The following MADD variants were observed in gnomAD, a reference collection of about 807,000 sequenced individuals.
The protein encoded by MADD is MAP kinase activating death domain.
In MADD, 109 loss-of-function variants were observed where a neutral mutation model predicts 176.7. That is an observed-to-expected ratio of 0.62 (90% confidence interval 0.53 to 0.72). The LOEUF (loss-of-function observed/expected upper bound fraction) is 0.72, where lower values mean the gene tolerates loss of function less well. Among genes scored for constraint, MADD ranks in the 30% least tolerant of loss-of-function variants. The pLI is 0.00. For missense variants in MADD, 1,914 were observed against 2,045.5 expected, an observed-to-expected ratio of 0.94 and a Z score of 1.24; for synonymous variants, 771 against 771.3, an observed-to-expected ratio of 1.00 and a Z score of 0.01.
Position 47,290,009 on chromosome 11 carries a change from G to T in MADD, c.2899G>T (p.Val967Leu), listed in dbSNP as rs1244676636. Reference sequence around the variant, plus strand: ...TGTCCTGAGCAAGCTGAACCGCATGGTGCAGTCAGAGGACGATGCCCGGCA... The same window carrying T: ...TGTCCTGAGCAAGCTGAACCGCATGTTGCAGTCAGAGGACGATGCCCGGCA... The change falls in exon 17 of 33, where the codon GTG becomes TTG. Residue 967 changes from valine (V) to leucine (L), a missense_variant. Around this residue, in one of 2 missense-constraint regions of MADD, gnomAD observed 1,767 missense variants for 1,836.0 expected, o/e 0.96. Coordinates refer to ENST00000402192, the Ensembl canonical transcript of MADD. The T allele has an allele frequency of 1.9e-6, 3 of 1,614,208 alleles. No homozygotes were observed. In the Admixed American group the frequency reaches 5.0e-5, roughly 27 times the overall value.
At chr11:47,286,332 G>C in intron 14 of MADD, 101 bp from the exon 15 acceptor site, 1 of 778,046 alleles carries the variant, frequency 1.3e-6, no homozygotes, top group Non-Finnish European at 2.3e-6. Flanking sequence ...AACTGGGATT[G>C]TGTTTGAAAA....
exon 33 of MADD, chr11:47,329,165 G>T (rs145720815): frequency 1.3e-6 from 2 of 1,596,420 alleles, no homozygotes; most frequent in Admixed American, 3.3e-5. Flanking sequence ...GAGGGGCTAC[G>T]CAGCTGCCCC....
exon 5 of MADD, chr11:47,276,755 C>T (rs776830687): frequency 2.4e-5 from 39 of 1,614,182 alleles, no homozygotes; most frequent in Non-Finnish European, 3.1e-5. Flanking sequence ...CCCGAGACTA[C>T]AATGCACTCT....
chr11:47,284,997 C>T (rs2059612679), exon 13 of MADD: 13 of 1,613,954 alleles, frequency 8.1e-6, no homozygotes, highest in Non-Finnish European at 1.1e-5. Context: ...TCTCCAAGCC[C>T]CTCCCTTCCG....
chr11:47,323,113 C>T (rs2094787490), intron 27 of MADD, among the ~76,000 whole-genome samples: 1 of 151,932 alleles, frequency 6.6e-6, no homozygotes, highest in Non-Finnish European at 1.5e-5. Flanking sequence ...TGATGTGTGC[C>T]TGTAATCTCA....
rs60183400 is a variant in MADD at position 47,275,150 on chromosome 11, G to A, written c.650G>A (p.Gly217Asp). 5.1e-3 allele frequency: 8,248 copies of A among 1,612,244 alleles called. 377 individuals are homozygous for A. The African/African-American group carries it at 0.097, about 19-fold the overall frequency. Residue 217 changes from glycine to aspartate, a missense_variant, in exon 3 of 33, where the codon GGC (glycine) becomes GAC (aspartate). By Grantham distance (94) the Gly-to-Asp change is moderately conservative. Coordinates refer to ENST00000402192, the Ensembl canonical transcript of MADD. Reference sequence around the variant, plus strand: ...GGCAAGAAACTGGGCATCCCTCGAGGCGTACAAAGGTACAGTTTGCTGCTG... The same window carrying A: ...GGCAAGAAACTGGGCATCCCTCGAGACGTACAAAGGTACAGTTTGCTGCTG...
At chr11:47,314,028 G>C (rs1446796878) in intron 26 of MADD, among the ~76,000 whole-genome samples, 1 of 151,956 alleles carries the variant, frequency 6.6e-6, no homozygotes, top group African/African-American at 2.4e-5. Context: ...AAAGTGCTGG[G>C]ATTACAGGTG....
intron 22 of MADD, among the ~76,000 whole-genome samples, chr11:47,305,827 C>G (rs1594182044): frequency 1.3e-5 from 2 of 152,142 alleles, no homozygotes; most frequent in African/African-American, 4.8e-5. Context: ...CAAGGTATCT[C>G]AGCTCAGCCA....
In MADD at chr11:47,309,701, C is replaced by T; in HGVS notation, c.3978+89C>T. ...CCTAAATTTCGGGGTAGCTGGGAAG[C>T]TATCAAGGTATCTTAACTTAGGGCT... is the stretch of plus-strand genomic sequence containing the variant. On this transcript the variant is annotated intron_variant, in intron 25 of 32. Coordinates refer to ENST00000402192, the Ensembl canonical transcript of MADD. 3.1e-6 allele frequency: 3 copies of T among 954,200 alleles called. 1 individual carries two copies. The highest frequency in any genetic ancestry group is 5.0e-4 in the Middle Eastern group (2 of 3,966). The allele number at this position is 954,200 out of a possible 1,614,324, so 59.1% of individuals were successfully genotyped here.
At chr11:47,306,123 G>A (rs777883034) in intron 22 of MADD, among the ~76,000 whole-genome samples, 6 of 152,106 alleles carry the variant, frequency 3.9e-5, no homozygotes, top group Non-Finnish European at 8.8e-5. Flanking sequence ...TGACTGCTCT[G>A]AGCAGTCTAA....
intron 7 of MADD, among the ~76,000 whole-genome samples, chr11:47,281,026 C>A (rs2056185253): frequency 6.6e-6 from 1 of 152,186 alleles, no homozygotes; most frequent in Non-Finnish European, 1.5e-5. Context: ...GAATCGGGAT[C>A]TGCATTTTAA....
chr11:47,278,851 G>T, intron 6 of MADD, 148 bp from the exon 7 acceptor site: 1 of 583,360 alleles, frequency 1.7e-6, no homozygotes, highest in East Asian at 2.9e-5. Context: ...TCATATATGT[G>T]TGTACATATA....
chr11:47,292,400 C>A (rs1435470520), intron 19 of MADD, 143 bp from the exon 21 acceptor site: 2 of 737,788 alleles, frequency 2.7e-6, no homozygotes, highest in South Asian at 3.0e-5. Context: ...CCCCTTCTCC[C>A]CATGAAGATA....
At chr11:47,288,819 T>C in intron 15 of MADD, 149 bp from the exon 16 acceptor site, 1 of 627,708 alleles carries the variant, frequency 1.6e-6, no homozygotes. Context: ...GTCACTTGGC[T>C]TCCAGCTCTG....
At chr11:47,289,335 C>T (rs2063324451) in intron 15 of MADD, 56 bp from the exon 17 acceptor site, 2 of 1,401,366 alleles carry the variant, frequency 1.4e-6, no homozygotes, top group Non-Finnish European at 2.0e-6. Flanking sequence ...GCTGTGCTGG[C>T]ATGAGCTCCT....
At chr11:47,284,635 G>A in intron 12 of MADD, 70 bp downstream of exon 12, 1 of 1,535,004 alleles carries the variant, frequency 6.5e-7, no homozygotes, top group South Asian at 1.2e-5. Flanking sequence ...AGGAAAGCCA[G>A]GCTGTAGCTA....
chr11:47,275,352 T>C (rs949295841), intron 3 of MADD, among the ~76,000 whole-genome samples, 193 bp downstream of exon 3: 2 of 152,208 alleles, frequency 1.3e-5, no homozygotes, highest in Non-Finnish European at 2.9e-5. Context: ...AGTACAGTGG[T>C]GCGATCTCGG....
chr11:47,309,049 A>T lies in MADD; in HGVS notation c.3752-232A>T. The T allele has an allele frequency of 6.2e-7, 1 of 1,613,978 alleles. No individual in the cohort carries two copies. The highest frequency in any genetic ancestry group is 1.1e-5 in the South Asian group (1 of 91,014). On this transcript the variant is annotated intron_variant, in intron 23 of 32. Coordinates refer to ENST00000402192, the Ensembl canonical transcript of MADD. Reference sequence around the variant, plus strand: ...ATGGAGACCTTTTCTATAAGTAACCACATTTATTTGTGTGCTGTGTTCATC... The same window carrying T: ...ATGGAGACCTTTTCTATAAGTAACCTCATTTATTTGTGTGCTGTGTTCATC...
chr11:47,292,996 G>T (rs1000805840), intron 19 of MADD, among the ~76,000 whole-genome samples: 2 of 152,092 alleles, frequency 1.3e-5, no homozygotes, highest in Non-Finnish European at 2.9e-5. Context: ...CTCTCTGGTG[G>T]CTTGCCTAGG....
Sources: gnomAD v4.1 joint callset for allele counts (sites outside exome capture counted in the v4.1 genomes callset) on GRCh38, gnomAD v4.1.1 for gene constraint, gnomAD v4.1.1 regional missense constraint, MANE v1.5 for transcripts, NCBI Gene and HGNC (gene_info 2026-07-23, HGNC 2026-07-21) for gene names.